Variants in C3orf22 observed in about 807,000 individuals in gnomAD.
C3orf22 encodes the protein uncharacterized protein C3orf22.
In C3orf22, 7 loss-of-function variants were observed where a neutral mutation model predicts 10.8. The observed-to-expected ratio is 0.65, with a 90% CI of 0.37 to 1.22. C3orf22 has a LOEUF of 1.22. Among genes scored for constraint, C3orf22 ranks in the 50% most tolerant of loss-of-function variants. C3orf22 has a pLI of 0.02. For synonymous variants in C3orf22, 79 were observed against 78.9 expected (o/e 1.00, Z 0.00); for missense variants, 173 against 177.0 (o/e 0.98, Z 0.13).
intron 4 of C3orf22, chr3:126,542,160 G>C: frequency 1.3e-6 from 2 of 1,514,746 alleles, no homozygotes; most frequent in East Asian, 2.6e-5. Flanking sequence ...TACGGTGCAC[G>C]CATCGTTCAG....
intron 4 of C3orf22, among the ~76,000 whole-genome samples, chr3:126,531,122 G>A (rs1057099871): frequency 5.9e-5 from 9 of 152,280 alleles, no homozygotes; most frequent in Non-Finnish European, 7.3e-5. Flanking sequence ...CTGCGCTGGC[G>A]CAGCTGGTGT....
chr3:126,543,949 C>G (rs1937025927), intron 4 of C3orf22, among the ~76,000 whole-genome samples: 1 of 152,198 alleles, frequency 6.6e-6, no homozygotes, highest in Non-Finnish European at 1.5e-5. Context: ...GAGGGACATA[C>G]AAAGCCCAGG....
At chr3:126,547,870 C>T (rs760094948), downstream of C3orf22, among the ~76,000 whole-genome samples, 3 of 152,178 alleles carry the variant, frequency 2.0e-5, no homozygotes. Context: ...ACCCAGACAT[C>T]TACCCAAAAG....
chr3:126,555,162 C>G (rs1184287936), intron 1 of C3orf22, among the ~76,000 whole-genome samples: 2 of 152,210 alleles, frequency 1.3e-5, no homozygotes, highest in Non-Finnish European at 2.9e-5. Context: ...TTGGAGGCTG[C>G]ACTTCACCAG....
At chr3:126,534,947 C>A (rs1178271694) in intron 4 of C3orf22, among the ~76,000 whole-genome samples, 1 of 147,654 alleles carries the variant, frequency 6.8e-6, no homozygotes, top group Admixed American at 6.7e-5. Flanking sequence ...CAGACAGCAT[C>A]CCTGTCCCCA....
At chr3:126,554,573 A>C (rs979417268) in intron 1 of C3orf22, among the ~76,000 whole-genome samples, 2 of 152,176 alleles carry the variant, frequency 1.3e-5, no homozygotes, top group African/African-American at 4.8e-5. Flanking sequence ...CCGGCTGTAC[A>C]TACATTTTAA....
chr3:126,552,942 G>A (rs1372175704), intron 2 of C3orf22, among the ~76,000 whole-genome samples: 1 of 152,254 alleles, frequency 6.6e-6, no homozygotes, highest in Non-Finnish European at 1.5e-5. Flanking sequence ...CCGTTATCCT[G>A]GCTAGTTGCG....
downstream of C3orf22, among the ~76,000 whole-genome samples, chr3:126,549,075 C>T (rs2107578318): frequency 6.6e-6 from 1 of 152,276 alleles, no homozygotes; most frequent in East Asian, 1.9e-4. Context: ...ACAAAGGCAT[C>T]ACCAGCCTCC....
intron 4 of C3orf22, chr3:126,542,057 G>T: frequency 1.3e-6 from 2 of 1,581,232 alleles, no homozygotes. Context: ...CGCCTACTTG[G>T]CCTTCCTGTT....
At position 126,536,314 on chromosome 3, in the gene C3orf22, G is replaced by C. The variant is rs1936789872; in HGVS notation, c.287-6942C>G. On this transcript the variant is annotated intron_variant and NMD_transcript_variant, in intron 4 of 5. Coordinates refer to the C3orf22 transcript ENST00000505070. ...TGGGCTCCAGCTGGCTTGGTGGGGAGAAGAGAAGCCCCCTGCAGAAGCTCT... is the reference window on the plus strand; with the variant it reads ...TGGGCTCCAGCTGGCTTGGTGGGGACAAGAGAAGCCCCCTGCAGAAGCTCT... The C allele has an allele frequency of 1.9e-6, 3 of 1,613,950 alleles. No individual in the cohort carries two copies. The highest frequency in any genetic ancestry group is 2.5e-6 in the Non-Finnish European group (3 of 1,179,974).
intron 3 of C3orf22, among the ~76,000 whole-genome samples, chr3:126,550,978 A>G (rs888555125): frequency 2.0e-5 from 3 of 152,248 alleles, no homozygotes; most frequent in African/African-American, 7.2e-5. Flanking sequence ...CCTGGCCGCT[A>G]AGCCCCATTG....
chr3:126,541,931 C>T, intron 4 of C3orf22: 1 of 1,594,566 alleles, frequency 6.3e-7, no homozygotes, highest in Non-Finnish European at 8.5e-7. Context: ...GCTGCTGGCG[C>T]TGAGCGGCCA....
intron 4 of C3orf22, among the ~76,000 whole-genome samples, chr3:126,539,004 C>G (rs1342647163): frequency 6.6e-6 from 1 of 152,176 alleles, no homozygotes; most frequent in African/African-American, 2.4e-5. Flanking sequence ...CAGACATGCT[C>G]TAGGCGTGTA....
At chr3:126,537,886 CAAG>C (rs1936831321) in intron 4 of C3orf22, among the ~76,000 whole-genome samples, 1 of 152,204 alleles carries the variant, frequency 6.6e-6, no homozygotes, top group Non-Finnish European at 1.5e-5. Flanking sequence ...CATGGGGAGG[CAAG>C]TGCCCTGCAA....
At chr3:126,547,918 TG>T (rs1414010993), downstream of C3orf22, among the ~76,000 whole-genome samples, 1 of 152,014 alleles carries the variant, frequency 6.6e-6, no homozygotes, top group Non-Finnish European at 1.5e-5. Context: ...CAGTGGAAAA[TG>T]AAGGAACTAC....
chr3:126,529,699 C>T (rs1300164512), intron 4 of C3orf22, among the ~76,000 whole-genome samples: 2 of 152,172 alleles, frequency 1.3e-5, no homozygotes, highest in African/African-American at 4.8e-5. Context: ...CGGGCCCTGT[C>T]GTCCATCACT....
rs1476028575 is a variant in C3orf22, at chr3:126,551,990, G to A, written c.215+7C>T. ...GTGGGGGTGGTGGCATCAGGGCAGG[G>A]ACTTACCCTCGGACTGGGATGGACC... On this transcript the variant is annotated splice_region_variant and intron_variant, in intron 3 of 3. Coordinates refer to ENST00000318225, the MANE Select transcript of C3orf22 (RefSeq NM_152533.3). 6.2e-7 allele frequency: 1 copy of A among 1,607,226 alleles called. No individual in the cohort carries two copies. Among genetic ancestry groups the A allele is most frequent in the Admixed American group, 1.7e-5 (1 of 58,674 alleles).
chr3:126,536,896 AACACAC>A (rs10670471), intron 4 of C3orf22, among the ~76,000 whole-genome samples: 2,383 of 140,462 alleles, frequency 0.017, 35 homozygotes, highest in South Asian at 0.03. Context: ...CACACACACA[AACACAC>A]ACACACACAC....
intron 4 of C3orf22, among the ~76,000 whole-genome samples, chr3:126,533,318 A>G (rs894433201): frequency 3.9e-5 from 6 of 152,202 alleles, no homozygotes; most frequent in Admixed American, 2.0e-4. Flanking sequence ...GATCTTAGGG[A>G]GAAAGCTTCC....
Sources: gnomAD v4.1 joint callset for allele counts (sites outside exome capture counted in the v4.1 genomes callset) on GRCh38, gnomAD v4.1.1 for gene constraint, MANE v1.5 for transcripts, NCBI Gene and HGNC (gene_info 2026-07-23, HGNC 2026-07-21) for gene names.